KAZN: variants seen among roughly 807,000 people sequenced by gnomAD.
KAZN encodes the protein kazrin, periplakin interacting protein, also known as kazrin.
KAZN carries 40 observed loss-of-function variants against 87.4 expected under a neutral mutation model. That is an observed-to-expected ratio of 0.46 (90% confidence interval 0.36 to 0.60). The LOEUF is 0.60. Among genes scored for constraint, KAZN ranks in the 20% least tolerant of loss-of-function variants. The pLI is 0.00. For missense variants in KAZN, 898 were observed against 1,073.9 expected (o/e 0.84, Z 2.29); for synonymous variants, 466 against 458.3 (o/e 1.02, Z -0.22).
chr1:15,080,108 G>A (rs1639927260), intron 8 of KAZN, among the ~76,000 whole-genome samples: 1 of 152,146 alleles, frequency 6.6e-6, no homozygotes, highest in Non-Finnish European at 1.5e-5. Context: ...TCAGAGTGTG[G>A]CAGGAGGGAC....
At chr1:14,252,462 G>T (rs1206664333) in intron 2 of KAZN, among the ~76,000 whole-genome samples, 2 of 152,126 alleles carry the variant, frequency 1.3e-5, no homozygotes, top group African/African-American at 4.8e-5. Context: ...CTTCCTGTCT[G>T]TTTCTCAATC....
At chr1:14,335,493 G>A (rs930009819) in intron 2 of KAZN, among the ~76,000 whole-genome samples, 5 of 151,800 alleles carry the variant, frequency 3.3e-5, no homozygotes, top group African/African-American at 1.2e-4. Context: ...ATGAGCCACT[G>A]CACCTAGTCC....
chr1:14,143,030 T>C (rs1432358465), intron 1 of KAZN, among the ~76,000 whole-genome samples: 1 of 152,046 alleles, frequency 6.6e-6, no homozygotes, highest in Non-Finnish European at 1.5e-5. Context: ...ATCTCGGGGA[T>C]GGAGCAGCTG....
At chr1:14,419,944 C>T (rs992021783) in intron 2 of KAZN, among the ~76,000 whole-genome samples, 1 of 152,140 alleles carries the variant, frequency 6.6e-6, no homozygotes, top group African/African-American at 2.4e-5. Flanking sequence ...AAAACTTCCA[C>T]AAGGTGGAAG....
At chr1:13,942,787 A>C (rs1035611837) in intron 1 of KAZN, among the ~76,000 whole-genome samples, 3 of 152,190 alleles carry the variant, frequency 2.0e-5, no homozygotes, top group African/African-American at 7.2e-5. Context: ...TAATTTTGTC[A>C]AATAGCTAGA....
intron 1 of KAZN, among the ~76,000 whole-genome samples, chr1:14,162,530 C>A (rs145447981): frequency 3.4e-4 from 49 of 146,218 alleles, no homozygotes; most frequent in African/African-American, 1.2e-3. Flanking sequence ...TTGGTTTTAT[C>A]TTTTCTTTTC....
chr1:14,583,609 G>C (rs1675681405), intron 2 of KAZN, among the ~76,000 whole-genome samples: 1 of 152,180 alleles, frequency 6.6e-6, no homozygotes, highest in Non-Finnish European at 1.5e-5. Flanking sequence ...TTCCTGGGTG[G>C]GAGCATAAGC....
chr1:14,135,989 A>G (rs1329511421), intron 1 of KAZN, among the ~76,000 whole-genome samples: 1 of 152,214 alleles, frequency 6.6e-6, no homozygotes, highest in Admixed American at 6.5e-5. Context: ...TCATGGAACA[A>G]TAATTGGCAT....
chr1:13,926,693 C>T (rs1202509238), intron 1 of KAZN, among the ~76,000 whole-genome samples: 1 of 151,306 alleles, frequency 6.6e-6, no homozygotes, highest in Non-Finnish European at 1.5e-5. Flanking sequence ...CAGTGCATGA[C>T]AGCCATAAAT....
At chr1:14,137,307 G>C (rs553994919) in intron 1 of KAZN, among the ~76,000 whole-genome samples, 7 of 152,290 alleles carry the variant, frequency 4.6e-5, no homozygotes, top group African/African-American at 1.7e-4. Flanking sequence ...GTTTCTGTAA[G>C]AGGTAAGGTG....
intron 1 of KAZN, among the ~76,000 whole-genome samples, chr1:14,164,796 C>A (rs772982694): frequency 6.6e-6 from 1 of 152,038 alleles, no homozygotes; most frequent in Non-Finnish European, 1.5e-5. Flanking sequence ...GCCTCGGCCT[C>A]CCAAAGTGCT....
At chr1:14,713,760 G>A (rs1309150944) in intron 1 of KAZN, among the ~76,000 whole-genome samples, 1 of 108,608 alleles carries the variant, frequency 9.2e-6, no homozygotes, top group Non-Finnish European at 1.7e-5. Flanking sequence ...ACAACAAAAC[G>A]AGACCTCATC....
chr1:14,872,128 G>C (rs778054095), intron 1 of KAZN, among the ~76,000 whole-genome samples: 14 of 152,302 alleles, frequency 9.2e-5, no homozygotes, highest in Admixed American at 4.6e-4. Context: ...CCCTTCTTTG[G>C]AAGGAATAAT....
chr1:14,688,571 A>C lies in KAZN; in HGVS notation c.226+89348A>C, dbSNP rs114858928. Among the ~76,000 whole-genome samples the C allele has an allele frequency of 3.4e-3, 525 of 152,364 alleles. 4 individuals carry two copies. The highest frequency in any genetic ancestry group is 0.012 in the African/African-American group (513 of 41,584). ...TTAGAATATGGCATGGGCAAGTATA[A>C]AACACGATGAAGTAAAAAGTACAAA... is the stretch of plus-strand genomic sequence containing the variant. On this transcript the variant is annotated intron_variant, in intron 1 of 14. Coordinates refer to ENST00000376030, the MANE Select transcript of KAZN (RefSeq NM_201628.3).
chr1:14,763,504 C>A (rs548022386), intron 1 of KAZN, among the ~76,000 whole-genome samples: 1 of 152,230 alleles, frequency 6.6e-6, no homozygotes, highest in Non-Finnish European at 1.5e-5. Context: ...TAGAGCCTTG[C>A]GTTGCCACCC....
chr1:14,086,984 T>C (rs1464821166), intron 1 of KAZN, among the ~76,000 whole-genome samples: 1 of 152,178 alleles, frequency 6.6e-6, no homozygotes, highest in Admixed American at 6.5e-5. Flanking sequence ...ACTTTTTCTT[T>C]TTAAAAATTG....
In KAZN at chr1:15,044,093, G is replaced by C. The variant is rs146334402; in HGVS notation, c.660G>C (p.Thr220=). 79 of 1,612,622 alleles carry C rather than the reference G, an allele frequency of 4.9e-5. No homozygotes were observed. The highest frequency in any genetic ancestry group is 6.4e-5 in the Non-Finnish European group (75 of 1,179,696). The change falls in exon 4 of 15, where the codon ACG becomes ACC. Residue 220 remains threonine, a synonymous_variant. Coordinates refer to ENST00000376030, the MANE Select transcript of KAZN (RefSeq NM_201628.3). ...CCAAGGAGGCCACAGACCACGCCAC[G>C]GCACTGCGCTCCCAGCTGGACCTCA... ...RQAKEATDHA[T]ALRSQLDLKD...
intron 2 of KAZN, among the ~76,000 whole-genome samples, chr1:14,407,290 A>C (rs1239522990): frequency 6.6e-6 from 1 of 152,192 alleles, no homozygotes; most frequent in African/African-American, 2.4e-5. Flanking sequence ...AGGATAGACA[A>C]GTATTTAATT....
At chr1:14,742,342 T>C (rs1644127120) in intron 1 of KAZN, among the ~76,000 whole-genome samples, 2 of 152,242 alleles carry the variant, frequency 1.3e-5, no homozygotes, top group Admixed American at 1.3e-4. Context: ...TTCATGAATG[T>C]GTCCCTCCCA....
Sources: gnomAD v4.1 joint callset for allele counts (sites outside exome capture counted in the v4.1 genomes callset) on GRCh38, gnomAD v4.1.1 for gene constraint, MANE v1.5 for transcripts, NCBI Gene and HGNC (gene_info 2026-07-23, HGNC 2026-07-21) for gene names.